Variants in NAALADL2 observed in about 807,000 individuals in gnomAD.
NAALADL2 encodes the protein inactive N-acetylated-alpha-linked acidic dipeptidase-like protein 2.
A neutral mutation model predicts 87.2 loss-of-function variants in NAALADL2; 76 were observed. The observed-to-expected ratio is 0.87, with a 90% CI of 0.72 to 1.05. The LOEUF (loss-of-function observed/expected upper bound fraction) is 1.05, where lower values mean the gene tolerates loss of function less well. Among genes scored for constraint, NAALADL2 ranks in the 50% least tolerant of loss-of-function variants. The pLI is 0.00. For synonymous variants in NAALADL2, 354 were observed against 331.0 expected, an observed-to-expected ratio of 1.07 and a Z score of -0.75; for missense variants, 1,089 against 945.8, an observed-to-expected ratio of 1.15 and a Z score of -1.99.
chr3:174,641,759 A>T (rs1215146609), intron 2 of NAALADL2, among the ~76,000 whole-genome samples: 1 of 103,788 alleles, frequency 9.6e-6, no homozygotes, highest in Non-Finnish European at 2.4e-5. Flanking sequence ...CTTTTTTCAG[A>T]AATTTTTTTT....
intron 3 of NAALADL2, among the ~76,000 whole-genome samples, chr3:174,840,749 T>G (rs1253093782): frequency 6.6e-6 from 1 of 152,172 alleles, no homozygotes; most frequent in Non-Finnish European, 1.5e-5. Context: ...TTGTTCTCTC[T>G]CTTTATTTTC....
At chr3:175,618,107 CA>C (rs1459325152) in intron 10 of NAALADL2, among the ~76,000 whole-genome samples, 1 of 152,124 alleles carries the variant, frequency 6.6e-6, no homozygotes, top group East Asian at 1.9e-4. Context: ...GGGTTTGATT[CA>C]AAAGTAACAT....
intron 4 of NAALADL2, among the ~76,000 whole-genome samples, chr3:175,320,348 C>T (rs1045622584): frequency 6.6e-6 from 1 of 152,170 alleles, no homozygotes; most frequent in African/African-American, 2.4e-5. Context: ...GGAATCTTTA[C>T]GTTAAATATG....
intron 1 of NAALADL2, among the ~76,000 whole-genome samples, chr3:174,945,349 A>C (rs765780239): frequency 2.6e-5 from 4 of 152,136 alleles, no homozygotes; most frequent in Non-Finnish European, 4.4e-5. Context: ...TGGAGAAGCA[A>C]ATATTTTCAC....
chr3:175,481,877 C>T (rs534706154), intron 9 of NAALADL2, among the ~76,000 whole-genome samples: 2 of 151,950 alleles, frequency 1.3e-5, no homozygotes, highest in African/African-American at 4.8e-5. Flanking sequence ...ATGAAAAGTC[C>T]TAGAACTAAC....
At chr3:174,528,493 C>T (rs372596783) in intron 1 of NAALADL2, among the ~76,000 whole-genome samples, 62 of 152,102 alleles carry the variant, frequency 4.1e-4, no homozygotes, top group African/African-American at 1.2e-3. Flanking sequence ...TTGGGTGTGA[C>T]GGCATGCACT....
At chr3:175,725,955 T>G (rs890232159) in intron 11 of NAALADL2, among the ~76,000 whole-genome samples, 77 of 152,224 alleles carry the variant, frequency 5.1e-4, no homozygotes, top group African/African-American at 1.6e-3. Context: ...AATTTGTCAA[T>G]CAGCACATGC....
At chr3:175,697,766 T>C (rs1444087083) in intron 11 of NAALADL2, among the ~76,000 whole-genome samples, 1 of 145,990 alleles carries the variant, frequency 6.8e-6, no homozygotes, top group Non-Finnish European at 1.5e-5. Flanking sequence ...AATGTATGTA[T>C]ACATATATAC....
intron 11 of NAALADL2, among the ~76,000 whole-genome samples, chr3:175,643,444 C>A (rs1173868955): frequency 6.6e-6 from 1 of 152,164 alleles, no homozygotes; most frequent in African/African-American, 2.4e-5. Flanking sequence ...AGTTGACTGT[C>A]AATGCCTAAA....
intron 11 of NAALADL2, among the ~76,000 whole-genome samples, chr3:175,719,242 T>C (rs1741871633): frequency 6.6e-6 from 1 of 151,698 alleles, no homozygotes; most frequent in East Asian, 1.9e-4. Flanking sequence ...AAGGAAAGAC[T>C]GGTATCTTGT....
At chr3:174,894,330 C>T (rs1731227983) in intron 1 of NAALADL2, among the ~76,000 whole-genome samples, 1 of 152,022 alleles carries the variant, frequency 6.6e-6, no homozygotes, top group African/African-American at 2.4e-5. Context: ...ATGGCTCACG[C>T]CTGTAATCCC....
At chr3:175,243,679 G>T (rs536422869) in intron 3 of NAALADL2, among the ~76,000 whole-genome samples, 2 of 151,698 alleles carry the variant, frequency 1.3e-5, no homozygotes, top group East Asian at 3.9e-4. Context: ...CAAGAACACT[G>T]CTCTGTAGTG....
At chr3:174,810,894 C>G (rs1260751540) in intron 3 of NAALADL2, among the ~76,000 whole-genome samples, 1 of 152,162 alleles carries the variant, frequency 6.6e-6, no homozygotes, top group East Asian at 1.9e-4. Flanking sequence ...ATGGACCAGA[C>G]CTAGGGCCCT....
chr3:174,849,183 T>C (rs957584830), intron 3 of NAALADL2, among the ~76,000 whole-genome samples: 1 of 152,196 alleles, frequency 6.6e-6, no homozygotes, highest in Non-Finnish European at 1.5e-5. Context: ...CTATGGACTT[T>C]ATAAACACTG....
At chr3:174,553,321 T>C (rs1712374588) in intron 2 of NAALADL2, among the ~76,000 whole-genome samples, 1 of 152,116 alleles carries the variant, frequency 6.6e-6, no homozygotes, top group African/African-American at 2.4e-5. Flanking sequence ...GTATATTTGG[T>C]CAATTAAACT....
chr3:174,555,441 A>G (rs1391475616), intron 2 of NAALADL2, among the ~76,000 whole-genome samples: 1 of 151,962 alleles, frequency 6.6e-6, no homozygotes. Context: ...CCGGGATTAC[A>G]GGCGCCCACC....
At chr3:175,423,028 A>AAAATAT (rs1438736874) in intron 5 of NAALADL2, among the ~76,000 whole-genome samples, 3 of 111,308 alleles carry the variant, frequency 2.7e-5, no homozygotes, top group African/African-American at 1.2e-4. Context: ...GAAAAAAAAA[A>AAAATAT]ATATATATAT....
intron 11 of NAALADL2, 146 bp downstream of exon 11, chr3:175,627,532 A>C (rs1727157945): frequency 1.8e-6 from 1 of 570,694 alleles, no homozygotes; most frequent in Admixed American, 3.4e-5. Context: ...ATATCCTATT[A>C]TTTTACTAAG....
intron 2 of NAALADL2, among the ~76,000 whole-genome samples, chr3:174,723,399 A>G (rs1731877576): frequency 6.6e-6 from 1 of 152,158 alleles, no homozygotes; most frequent in South Asian, 2.1e-4. Flanking sequence ...TTGGTGTTCA[A>G]TAAATTGTGA....
Sources: gnomAD v4.1 joint callset for allele counts (sites outside exome capture counted in the v4.1 genomes callset) on GRCh38, gnomAD v4.1.1 for gene constraint, MANE v1.5 for transcripts, NCBI Gene and HGNC (gene_info 2026-07-23, HGNC 2026-07-21) for gene names.